The following ACVR1B variants were observed in gnomAD, a reference collection of about 807,000 sequenced individuals.
The protein encoded by ACVR1B is activin A receptor type 1B.
ACVR1B carries 15 observed loss-of-function variants against 55.6 expected under a neutral mutation model. The observed-to-expected ratio is 0.27, with a 90% confidence interval of 0.18 to 0.42. The LOEUF (loss-of-function observed/expected upper bound fraction) is 0.42. ACVR1B is among the 10% of genes least tolerant of loss of function. The pLI is 1.00. For missense variants in ACVR1B, 359 were observed against 670.1 expected, an observed-to-expected ratio of 0.54 and a Z score of 5.13; for synonymous variants, 247 against 254.6, an observed-to-expected ratio of 0.97 and a Z score of 0.28.
At chr12:51,953,531 T>A in intron 1 of ACVR1B, 1 of 985,130 alleles carries the variant, frequency 1.0e-6, no homozygotes, top group Non-Finnish European at 1.2e-6. Context: ...ATAAGGATGT[T>A]CGTCGGGCCT....
chr12:51,978,992 C>T (rs571845572), intron 3 of ACVR1B, among the ~76,000 whole-genome samples: 2 of 151,214 alleles, frequency 1.3e-5, no homozygotes, highest in African/African-American at 2.4e-5. Context: ...GGTGAAACCT[C>T]GTCTCTACTA....
At chr12:51,951,890 G>T in intron 1 of ACVR1B, 56 bp downstream of exon 1, 1 of 1,117,736 alleles carries the variant, frequency 8.9e-7, no homozygotes, top group African/African-American at 1.6e-5. Flanking sequence ...GCAAGGGCGA[G>T]GCCTCGAGCC....
At chr12:51,993,935 A>G (rs1319148576) in intron 8 of ACVR1B, 50 bp from the exon 9 acceptor site, 1 of 1,605,690 alleles carries the variant, frequency 6.2e-7, no homozygotes, top group African/African-American at 1.3e-5. Flanking sequence ...GGGACCAGAA[A>G]GGCTTCTCCA....
At chr12:51,962,549 A>G (rs1230488366) in intron 1 of ACVR1B, among the ~76,000 whole-genome samples, 1 of 152,088 alleles carries the variant, frequency 6.6e-6, no homozygotes, top group Non-Finnish European at 1.5e-5. Flanking sequence ...TGATTGCTTT[A>G]CTGCTGCAAG....
chr12:51,956,374 A>G (rs1941407599), intron 1 of ACVR1B, among the ~76,000 whole-genome samples: 1 of 152,242 alleles, frequency 6.6e-6, no homozygotes, highest in Non-Finnish European at 1.5e-5. Context: ...TGCCTGGAAC[A>G]GTTTTTGGCA....
intron 4 of ACVR1B, among the ~76,000 whole-genome samples, chr12:51,982,154 C>T (rs1265246777): frequency 1.3e-5 from 2 of 152,172 alleles, no homozygotes; most frequent in African/African-American, 2.4e-5. Context: ...TTGGGGCTGA[C>T]TCGCACCTGA....
chr12:51,955,133 A>G (rs1011076424), intron 1 of ACVR1B, among the ~76,000 whole-genome samples: 3 of 152,196 alleles, frequency 2.0e-5, no homozygotes, highest in African/African-American at 7.2e-5. Context: ...TGTTTATGGC[A>G]CTATGTAAAT....
At chr12:51,970,533 A>G (rs558398784) in intron 1 of ACVR1B, among the ~76,000 whole-genome samples, 48 of 152,352 alleles carry the variant, frequency 3.2e-4, no homozygotes, top group African/African-American at 1.1e-3. Context: ...CTACCTGAAT[A>G]TAAAACTGAT....
intron 8 of ACVR1B, chr12:51,992,320 T>C (rs1257189465): frequency 9.4e-6 from 4 of 426,468 alleles, no homozygotes; most frequent in African/African-American, 8.1e-5. Context: ...ACCTGGGCAA[T>C]GTGGGGAGAC....
intron 3 of ACVR1B, among the ~76,000 whole-genome samples, chr12:51,977,647 G>A (rs1012109126): frequency 7.9e-6 from 1 of 126,746 alleles, no homozygotes; most frequent in African/African-American, 3.1e-5. Flanking sequence ...ATATGGTCTC[G>A]CTCTGTTGTT....
Position 51,972,092 on chromosome 12 carries a change from C to G in ACVR1B, c.92-3173C>G, listed in dbSNP as rs185095560. On this transcript the variant is annotated intron_variant, in intron 1 of 8. Transcript: ENST00000257963. ...GGGGGGATTAATATTTATTGAATAT[C>G]TACTAGTTGTTAAGTACTTTAAAAA... is the stretch of plus-strand genomic sequence containing the variant. Among the ~76,000 whole-genome samples the G allele has an allele frequency of 1.9e-3, 284 of 152,150 alleles. 1 individual carries two copies. The highest frequency in any genetic ancestry group is 3.3e-3 in the Non-Finnish European group (224 of 67,990).
At chr12:51,959,879 G>C (rs1332313902) in intron 1 of ACVR1B, among the ~76,000 whole-genome samples, 1 of 151,114 alleles carries the variant, frequency 6.6e-6, no homozygotes, top group African/African-American at 2.4e-5. Context: ...TGGGATGTTT[G>C]AGTTGAGGAA....
At chr12:51,958,903 A>T (rs1941462895) in intron 1 of ACVR1B, among the ~76,000 whole-genome samples, 1 of 152,160 alleles carries the variant, frequency 6.6e-6, no homozygotes, top group Admixed American at 6.5e-5. Flanking sequence ...GGGACCCCTG[A>T]TCCAAAGGGT....
In ACVR1B at chr12:51,976,529, G is replaced by A. The variant is rs189613683; in HGVS notation, c.534G>A (p.Thr178=). Residue 178 remains threonine, a synonymous_variant, in exon 3 of 9, where the codon ACG becomes ACA. Transcript: ENST00000257963. ...AGATGTGTCTCTCCAAAGACAAGAC[G>A]CTCCAGGATCTTGTCTACGATCTCT... is the stretch of plus-strand genomic sequence containing the variant. ...SCEMCLSKDK[T]LQDLVYDLST... 668 of 1,613,980 alleles carry A rather than the reference G, an allele frequency of 4.1e-4. 7 individuals are homozygous for A. The Admixed American group carries it at 0.011, about 26-fold the overall frequency.
intron 1 of ACVR1B, chr12:51,953,549 G>T: frequency 3.0e-6 from 3 of 984,758 alleles, no homozygotes; most frequent in Non-Finnish European, 3.6e-6. Flanking sequence ...CCTTATTAAG[G>T]GCCATGTTTT....
At chr12:51,986,253 C>T (rs1205099711) in intron 6 of ACVR1B, among the ~76,000 whole-genome samples, 1 of 152,188 alleles carries the variant, frequency 6.6e-6, no homozygotes, top group African/African-American at 2.4e-5. Context: ...ATAAACAAAT[C>T]TTTACTCTCT....
chr12:51,990,213 T>C (rs1467912551), intron 7 of ACVR1B, among the ~76,000 whole-genome samples: 1 of 150,228 alleles, frequency 6.7e-6, no homozygotes, highest in African/African-American at 2.5e-5. Flanking sequence ...GAATCGCTTG[T>C]ACCCGGCAGG....
At chr12:51,968,803 A>G (rs1941690826) in intron 1 of ACVR1B, among the ~76,000 whole-genome samples, 1 of 152,238 alleles carries the variant, frequency 6.6e-6, no homozygotes, top group Non-Finnish European at 1.5e-5. Context: ...AAAATGCTGC[A>G]AAATCCAAAA....
intron 1 of ACVR1B, among the ~76,000 whole-genome samples, chr12:51,968,956 C>T (rs1350135930): frequency 1.3e-5 from 2 of 152,140 alleles, no homozygotes; most frequent in Non-Finnish European, 2.9e-5. Context: ...CTTTCTGGTC[C>T]GAACATTTTG....
Sources: allele counts gnomAD v4.1 joint callset (sites outside exome capture counted in the v4.1 genomes callset), GRCh38; gene constraint gnomAD v4.1.1; transcripts MANE v1.5; gene names NCBI Gene and HGNC (gene_info 2026-07-23, HGNC 2026-07-21).